The following CDH18 variants were observed in gnomAD, a reference collection of about 807,000 sequenced individuals.
CDH18 encodes the protein cadherin-18.
In CDH18, 31 loss-of-function variants were observed where a neutral mutation model predicts 67.9. The ratio of observed to expected loss-of-function variants is 0.46; its 90% CI spans 0.34 to 0.62. The LOEUF is 0.62. Ranked by LOEUF, CDH18 falls within the 20% of genes least tolerant of loss-of-function variation. The pLI, the probability that CDH18 is intolerant of heterozygous loss-of-function variation, is 0.01. For synonymous variants in CDH18, 362 were observed against 347.2 expected, an observed-to-expected ratio of 1.04 and a Z score of -0.48; for missense variants, 890 against 975.5, an observed-to-expected ratio of 0.91 and a Z score of 1.17.
chr5:19,583,850 C>G (rs1430042169), intron 7 of CDH18, among the ~76,000 whole-genome samples: 7 of 152,054 alleles, frequency 4.6e-5, no homozygotes, highest in Non-Finnish European at 7.4e-5. Flanking sequence ...TTTCATTTTA[C>G]AGTAAGGTTA....
intron 2 of CDH18, among the ~76,000 whole-genome samples, chr5:19,903,668 G>C (rs1247723446): frequency 8.0e-6 from 1 of 124,704 alleles, no homozygotes; most frequent in African/African-American, 3.1e-5. Context: ...CAAATCCTCT[G>C]AGCAGCACTT....
chr5:20,023,519 C>T (rs1000271416), intron 2 of CDH18, among the ~76,000 whole-genome samples: 4 of 151,836 alleles, frequency 2.6e-5, no homozygotes, highest in Non-Finnish European at 5.9e-5. Context: ...AATAGCCGGG[C>T]GTGGTGGCGG....
At chr5:19,915,745 G>A (rs1199851849) in intron 2 of CDH18, among the ~76,000 whole-genome samples, 2 of 151,896 alleles carry the variant, frequency 1.3e-5, no homozygotes, top group South Asian at 4.1e-4. Flanking sequence ...TAGATAGATG[G>A]ATAGGTGTTT....
intron 1 of CDH18, among the ~76,000 whole-genome samples, chr5:20,418,242 A>AT (rs58308147): frequency 0.036 from 2,039 of 56,852 alleles, 85 homozygotes; most frequent in Non-Finnish European, 0.043. Flanking sequence ...CTGCTGGCTA[A>AT]TTTTTTTTTT....
intron 1 of CDH18, among the ~76,000 whole-genome samples, chr5:20,311,417 C>A (rs1233051652): frequency 6.6e-6 from 1 of 152,016 alleles, no homozygotes; most frequent in Non-Finnish European, 1.5e-5. Context: ...CAATGATAGA[C>A]TAGATAAAGA....
intron 1 of CDH18, among the ~76,000 whole-genome samples, chr5:20,560,458 C>A (rs1581201296): frequency 7.0e-6 from 1 of 143,776 alleles, no homozygotes; most frequent in Non-Finnish European, 1.5e-5. Flanking sequence ...GCCCTGGCCC[C>A]CAACACTCAT....
rs181832536 is a variant in CDH18 at position 19,628,403 on chromosome 5, T to A, written c.644-15802A>T. On this transcript the variant is annotated intron_variant, in intron 5 of 12. Coordinates refer to ENST00000382275, the MANE Select transcript of CDH18 (RefSeq NM_004934.5). ...TATTTTAACATGATTGTTTTGAAAG[T>A]TGCTTTGGGAATAAATTGTGTGGAA... is the stretch of plus-strand genomic sequence containing the variant. Among the ~76,000 whole-genome samples, 55 of 152,222 alleles carry A rather than the reference T, an allele frequency of 3.6e-4. 1 individual carries two copies. In the East Asian group the frequency reaches 9.9e-3, roughly 27 times the overall value.
chr5:20,345,416 A>G (rs1480497950), intron 1 of CDH18, among the ~76,000 whole-genome samples: 2 of 152,190 alleles, frequency 1.3e-5, no homozygotes, highest in African/African-American at 2.4e-5. Flanking sequence ...AATGTCTTTC[A>G]CAACGTGAAA....
chr5:20,076,050 A>C (rs1262023387), intron 2 of CDH18, among the ~76,000 whole-genome samples: 1 of 152,188 alleles, frequency 6.6e-6, no homozygotes, highest in Admixed American at 6.6e-5. Context: ...ACTGGGCAAT[A>C]TATCTATGTA....
intron 2 of CDH18, among the ~76,000 whole-genome samples, chr5:20,031,298 G>C (rs920145517): frequency 6.6e-6 from 1 of 152,082 alleles, no homozygotes; most frequent in African/African-American, 2.4e-5. Context: ...GGGAAGAAAA[G>C]ATAGACTTGA....
intron 2 of CDH18, among the ~76,000 whole-genome samples, chr5:20,093,783 G>A (rs551356645): frequency 6.6e-6 from 1 of 152,184 alleles, no homozygotes; most frequent in South Asian, 2.1e-4. Flanking sequence ...TTGATCATAA[G>A]ACTAACAGTC....
chr5:19,677,829 G>A (rs1759711044), intron 5 of CDH18, among the ~76,000 whole-genome samples: 1 of 151,910 alleles, frequency 6.6e-6, no homozygotes, highest in African/African-American at 2.4e-5. Flanking sequence ...ACTAATTTCA[G>A]ACAAAACATA....
chr5:19,822,245 C>A (rs530483099), intron 3 of CDH18, among the ~76,000 whole-genome samples: 1 of 152,062 alleles, frequency 6.6e-6, no homozygotes, highest in Non-Finnish European at 1.5e-5. Context: ...TGTAATGACA[C>A]CCATAGGATC....
chr5:20,314,739 A>G (rs776174717), intron 1 of CDH18, among the ~76,000 whole-genome samples: 19 of 152,082 alleles, frequency 1.2e-4, no homozygotes, highest in Admixed American at 7.2e-4. Context: ...TCTTTTCTAT[A>G]TTGACGTTTT....
At chr5:20,541,945 T>C (rs1757072473) in intron 1 of CDH18, among the ~76,000 whole-genome samples, 1 of 152,082 alleles carries the variant, frequency 6.6e-6, no homozygotes, top group Non-Finnish European at 1.5e-5. Flanking sequence ...CAGGTTTTTG[T>C]TGTTGTTTTT....
chr5:19,884,705 T>G (rs1347789378), intron 2 of CDH18, among the ~76,000 whole-genome samples: 1 of 151,998 alleles, frequency 6.6e-6, no homozygotes, highest in Admixed American at 6.6e-5. Flanking sequence ...TTAAAAAAAG[T>G]ATTGGTGTGA....
chr5:19,488,226 T>C (rs1740713786), intron 11 of CDH18, among the ~76,000 whole-genome samples: 1 of 152,198 alleles, frequency 6.6e-6, no homozygotes, highest in East Asian at 1.9e-4. Context: ...AAATAAATCC[T>C]ATTTTTTAGT....
At chr5:20,493,775 T>C (rs1236799165) in intron 1 of CDH18, among the ~76,000 whole-genome samples, 1 of 151,896 alleles carries the variant, frequency 6.6e-6, no homozygotes, top group Non-Finnish European at 1.5e-5. Context: ...TGCCTTAGAG[T>C]TGATGGTTTG....
chr5:19,865,475 T>G (rs1381143275), intron 2 of CDH18, among the ~76,000 whole-genome samples: 3 of 152,162 alleles, frequency 2.0e-5, no homozygotes, highest in Admixed American at 6.5e-5. Flanking sequence ...CATTTCAGTA[T>G]TTTACTCTTC....
Sources: gnomAD v4.1 joint callset for allele counts (sites outside exome capture counted in the v4.1 genomes callset) on GRCh38, gnomAD v4.1.1 for gene constraint, MANE v1.5 for transcripts, NCBI Gene and HGNC (gene_info 2026-07-23, HGNC 2026-07-21) for gene names.